GRIP1: variants seen among roughly 807,000 people sequenced by gnomAD.
GRIP1 encodes glutamate receptor-interacting protein 1.
In GRIP1, 45 loss-of-function variants were observed where a neutral mutation model predicts 129.9. The ratio of observed to expected loss-of-function variants is 0.35; its 90% confidence interval spans 0.27 to 0.44. The LOEUF (loss-of-function observed/expected upper bound fraction) is 0.44, where lower values mean the gene tolerates loss of function less well. Ranked by LOEUF, GRIP1 falls within the 20% of genes least tolerant of loss-of-function variation. The pLI is 1.00. For synonymous variants in GRIP1, 530 were observed against 520.8 expected, an observed-to-expected ratio of 1.02 and a Z score of -0.24; for missense variants, 1,196 against 1,396.8, an observed-to-expected ratio of 0.86 and a Z score of 2.29.
Position 66,392,508 on chromosome 12 carries a change from T to C in GRIP1, c.2270-6A>G, listed in dbSNP as rs2056630744. 2 of 1,613,284 alleles carry C rather than the reference T, an allele frequency of 1.2e-6. No individual in the cohort carries two copies. Among genetic ancestry groups the C allele is most frequent in the East Asian group, 2.2e-5 (1 of 44,874 alleles). ...GGGGCTCGATGCTGACTGGGCTTTA[T>C]AGACAGGAAAGGAGTTTAAGTATCA... On this transcript the variant is annotated splice_polypyrimidine_tract_variant and splice_region_variant and intron_variant, in intron 18 of 24. Transcript: ENST00000359742.
intron 23 of GRIP1, among the ~76,000 whole-genome samples, chr12:66,355,889 T>C (rs1485774584): frequency 6.6e-6 from 1 of 152,210 alleles, no homozygotes; most frequent in Non-Finnish European, 1.5e-5. Context: ...GTCCTGTGCC[T>C]TTATGAATCA....
At chr12:66,921,333 G>A (rs1006277310) in intron 1 of GRIP1, among the ~76,000 whole-genome samples, 1 of 152,210 alleles carries the variant, frequency 6.6e-6, no homozygotes, top group African/African-American at 2.4e-5. Flanking sequence ...GAAAGGGACT[G>A]CTCCTGGCTC....
At chr12:66,460,423 C>G (rs977834964) in intron 9 of GRIP1, among the ~76,000 whole-genome samples, 1 of 152,158 alleles carries the variant, frequency 6.6e-6, no homozygotes, top group East Asian at 1.9e-4. Flanking sequence ...CCCTGGAGCT[C>G]TCAAATGGAA....
At chr12:66,850,134 A>C (rs1356999943) in intron 1 of GRIP1, among the ~76,000 whole-genome samples, 1 of 152,178 alleles carries the variant, frequency 6.6e-6, no homozygotes. Context: ...AAAGTGAGAC[A>C]AAAGGGGAGA....
intron 1 of GRIP1, among the ~76,000 whole-genome samples, chr12:66,696,228 C>A (rs995429049): frequency 3.9e-5 from 6 of 152,076 alleles, no homozygotes; most frequent in Non-Finnish European, 7.4e-5. Context: ...ACCCAGTAGA[C>A]ATACAGAAAC....
intron 1 of GRIP1, among the ~76,000 whole-genome samples, chr12:66,765,601 C>T (rs1223616307): frequency 6.6e-6 from 1 of 152,182 alleles, no homozygotes; most frequent in Non-Finnish European, 1.5e-5. Context: ...AGTGGTCACC[C>T]TCTCCTTGCT....
At chr12:66,424,129 C>T (rs577889546) in intron 14 of GRIP1, among the ~76,000 whole-genome samples, 6 of 152,252 alleles carry the variant, frequency 3.9e-5, no homozygotes, top group South Asian at 2.1e-4. Flanking sequence ...CAGAATTCAT[C>T]GTCGTCATGT....
At chr12:66,807,890 A>G (rs1422792654), upstream of GRIP1, among the ~76,000 whole-genome samples, 1 of 151,922 alleles carries the variant, frequency 6.6e-6, no homozygotes, top group African/African-American at 2.4e-5. Context: ...ACGGACTAAT[A>G]CACTTCTGAA....
At chr12:66,703,019 C>A (rs2035403794) in intron 1 of GRIP1, among the ~76,000 whole-genome samples, 1 of 152,166 alleles carries the variant, frequency 6.6e-6, no homozygotes, top group African/African-American at 2.4e-5. Context: ...GGAAGATGGA[C>A]ATGTAAGTCA....
chr12:66,780,926 G>A (rs2038138425), intron 1 of GRIP1, among the ~76,000 whole-genome samples: 1 of 152,142 alleles, frequency 6.6e-6, no homozygotes, highest in Admixed American at 6.6e-5. Context: ...CAGTTGAGCT[G>A]AGGTTTCAGC....
chr12:66,449,573 A>G (rs995950516), intron 11 of GRIP1, among the ~76,000 whole-genome samples: 1 of 152,186 alleles, frequency 6.6e-6, no homozygotes, highest in Non-Finnish European at 1.5e-5. Context: ...GGAAGCTTGC[A>G]ATTGCCAGGT....
intron 19 of GRIP1, among the ~76,000 whole-genome samples, chr12:66,389,813 G>A (rs1217873298): frequency 1.3e-5 from 2 of 152,084 alleles, no homozygotes; most frequent in African/African-American, 4.8e-5. Context: ...ACACTTTAAC[G>A]GGTACACAGG....
chr12:66,712,811 C>T (rs995357663), intron 1 of GRIP1, among the ~76,000 whole-genome samples: 2 of 151,942 alleles, frequency 1.3e-5, no homozygotes, highest in Non-Finnish European at 2.9e-5. Context: ...TGGCCCAAGG[C>T]TCAGCACTTA....
intron 1 of GRIP1, among the ~76,000 whole-genome samples, chr12:67,033,692 T>A (rs1287762195): frequency 1.3e-5 from 2 of 152,164 alleles, no homozygotes; most frequent in Non-Finnish European, 2.9e-5. Context: ...TACCAAGTTC[T>A]CTCACCCACC....
intron 2 of GRIP1, among the ~76,000 whole-genome samples, chr12:66,548,764 G>C (rs11176255): frequency 1.3e-5 from 2 of 152,254 alleles, no homozygotes; most frequent in Non-Finnish European, 1.5e-5. Context: ...AGGGAATCTA[G>C]AAAACAGGAA....
chr12:66,488,465 A>G (rs915803480), intron 7 of GRIP1, among the ~76,000 whole-genome samples: 1 of 152,210 alleles, frequency 6.6e-6, no homozygotes. Flanking sequence ...TTTGGGATGC[A>G]GCTAAAGTAA....
At chr12:66,806,113 C>A (rs1388368601), upstream of GRIP1, among the ~76,000 whole-genome samples, 1 of 151,002 alleles carries the variant, frequency 6.6e-6, no homozygotes, top group African/African-American at 2.4e-5. Flanking sequence ...AAATATATGA[C>A]AATAATAATA....
intron 1 of GRIP1, among the ~76,000 whole-genome samples, chr12:66,774,949 C>A (rs1013914671): frequency 6.6e-6 from 1 of 152,106 alleles, no homozygotes; most frequent in Non-Finnish European, 1.5e-5. Flanking sequence ...GTACTTGGGG[C>A]TGTCTCTTAC....
chr12:66,791,835 C>T (rs1206322793), intron 1 of GRIP1, among the ~76,000 whole-genome samples: 2 of 152,072 alleles, frequency 1.3e-5, no homozygotes, highest in African/African-American at 4.8e-5. Flanking sequence ...TCCCCTTACC[C>T]TCCCTGCTTC....
Sources: gnomAD v4.1 joint callset for allele counts (sites outside exome capture counted in the v4.1 genomes callset) on GRCh38, gnomAD v4.1.1 for gene constraint, MANE v1.5 for transcripts, NCBI Gene and HGNC (gene_info 2026-07-23, HGNC 2026-07-21) for gene names.